The following NKAIN2 variants were observed in gnomAD, a reference collection of about 807,000 sequenced individuals.
The protein encoded by NKAIN2 is sodium/potassium transporting ATPase interacting 2.
A neutral mutation model predicts 32.6 loss-of-function variants in NKAIN2; 14 were observed. The observed-to-expected ratio is 0.43, with a 90% CI of 0.28 to 0.67. The LOEUF (loss-of-function observed/expected upper bound fraction) is 0.67, where lower values mean the gene tolerates loss of function less well. Ranked by LOEUF, NKAIN2 falls within the 30% of genes least tolerant of loss-of-function variation. NKAIN2 has a pLI of 0.17. For missense variants in NKAIN2, 198 were observed against 258.3 expected, an observed-to-expected ratio of 0.77 and a Z score of 1.60; for synonymous variants, 80 against 87.2, an observed-to-expected ratio of 0.92 and a Z score of 0.46.
At chr6:124,310,965 A>T (rs1246374272) in intron 2 of NKAIN2, among the ~76,000 whole-genome samples, 1 of 152,224 alleles carries the variant, frequency 6.6e-6, no homozygotes, top group Non-Finnish European at 1.5e-5. Flanking sequence ...TCATTAATAA[A>T]GAAACAAAAC....
chr6:124,608,105 A>C (rs1174857087), intron 3 of NKAIN2, among the ~76,000 whole-genome samples: 1 of 152,186 alleles, frequency 6.6e-6, no homozygotes, highest in African/African-American at 2.4e-5. Flanking sequence ...TGATAGATAC[A>C]TATATCTTGC....
chr6:124,021,662 T>C (rs965837682), intron 1 of NKAIN2, among the ~76,000 whole-genome samples: 1 of 151,902 alleles, frequency 6.6e-6, no homozygotes, highest in East Asian at 1.9e-4. Context: ...AATTTAAAAT[T>C]TTTGCCTTAT....
At chr6:124,008,190 A>G (rs892202757) in intron 1 of NKAIN2, among the ~76,000 whole-genome samples, 17 of 152,160 alleles carry the variant, frequency 1.1e-4, no homozygotes, top group African/African-American at 4.1e-4. Flanking sequence ...TTGGTCAGAT[A>G]CTTCCAGTGG....
chr6:124,789,851 T>C (rs750425657), intron 4 of NKAIN2, among the ~76,000 whole-genome samples: 2 of 152,090 alleles, frequency 1.3e-5, no homozygotes, highest in Non-Finnish European at 2.9e-5. Context: ...TAAAATATTT[T>C]TTAAAAAGAA....
At chr6:124,397,461 G>GAGGTAAATAAATAAAA (rs1231136476) in intron 3 of NKAIN2, among the ~76,000 whole-genome samples, 11 of 151,538 alleles carry the variant, frequency 7.3e-5, no homozygotes, top group African/African-American at 2.7e-4. Context: ...CCATTGGGCT[G>GAGGTAAATAAATAAAA]TTTTACCTCA....
chr6:123,874,695 T>C (rs1773083517), intron 1 of NKAIN2, among the ~76,000 whole-genome samples: 2 of 152,086 alleles, frequency 1.3e-5, no homozygotes, highest in East Asian at 1.9e-4. Context: ...TGAAAAAGGG[T>C]TCATAAAAAT....
intron 1 of NKAIN2, among the ~76,000 whole-genome samples, chr6:124,140,991 T>C (rs1442909528): frequency 6.6e-6 from 1 of 152,190 alleles, no homozygotes; most frequent in Non-Finnish European, 1.5e-5. Context: ...TATTAGAATC[T>C]TACAGAGAAT....
intron 3 of NKAIN2, among the ~76,000 whole-genome samples, chr6:124,424,898 G>A (rs969785626): frequency 5.9e-5 from 9 of 152,050 alleles, no homozygotes; most frequent in African/African-American, 2.4e-5. Flanking sequence ...CAAGATATTG[G>A]TTTCTTTTCC....
At chr6:123,897,394 G>C (rs550737736) in intron 1 of NKAIN2, among the ~76,000 whole-genome samples, 1 of 152,146 alleles carries the variant, frequency 6.6e-6, no homozygotes, top group East Asian at 1.9e-4. Flanking sequence ...TCACCTGCTG[G>C]TTTACCACAC....
At chr6:123,822,971 A>T (rs1773988733) in intron 1 of NKAIN2, among the ~76,000 whole-genome samples, 1 of 150,054 alleles carries the variant, frequency 6.7e-6, no homozygotes, top group Admixed American at 6.6e-5. Flanking sequence ...ATTTTATGTG[A>T]TAAGTAACGT....
intron 3 of NKAIN2, among the ~76,000 whole-genome samples, chr6:124,419,428 C>A (rs116337654): frequency 1.5e-3 from 231 of 152,210 alleles, no homozygotes; most frequent in African/African-American, 3.9e-3. Flanking sequence ...TAAAGGACTT[C>A]GTTCCTTGTA....
chr6:124,213,252 C>T (rs1791282696), intron 1 of NKAIN2, among the ~76,000 whole-genome samples: 1 of 152,104 alleles, frequency 6.6e-6, no homozygotes, highest in African/African-American at 2.4e-5. Context: ...CCTTTCTCTA[C>T]TTTGAATTTA....
chr6:124,261,933 G>A (rs552736189), intron 1 of NKAIN2, among the ~76,000 whole-genome samples: 3 of 151,394 alleles, frequency 2.0e-5, no homozygotes, highest in African/African-American at 7.3e-5. Context: ...TTTCTCTTCA[G>A]GCTGGGTTGA....
At chr6:124,594,225 T>G (rs1782005858) in intron 3 of NKAIN2, among the ~76,000 whole-genome samples, 1 of 152,214 alleles carries the variant, frequency 6.6e-6, no homozygotes. Context: ...GTCATGAATT[T>G]TAAGTCATTA....
At chr6:123,911,812 T>C (rs9490999) in intron 1 of NKAIN2, among the ~76,000 whole-genome samples, 2,085 of 85,002 alleles carry the variant, frequency 0.025, 194 homozygotes, top group African/African-American at 0.065. Context: ...TATATATATA[T>C]ACACACACAC....
chr6:124,292,807 C>T (rs1795879548), intron 2 of NKAIN2, among the ~76,000 whole-genome samples: 1 of 152,086 alleles, frequency 6.6e-6, no homozygotes, highest in African/African-American at 2.4e-5. Context: ...TTAATGTTGG[C>T]AGTGTGTTTT....
chr6:124,735,341 C>A (rs1776883548), intron 4 of NKAIN2, among the ~76,000 whole-genome samples: 1 of 151,792 alleles, frequency 6.6e-6, no homozygotes, highest in Non-Finnish European at 1.5e-5. Context: ...TAGAGATAAT[C>A]ATAATCACTC....
chr6:124,601,944 TTTTTC>T (rs1782323315), intron 3 of NKAIN2, among the ~76,000 whole-genome samples: 1 of 151,990 alleles, frequency 6.6e-6, no homozygotes, highest in Admixed American at 6.6e-5. Flanking sequence ...GCTGTCAGTC[TTTTTC>T]TTTTCTTTTT....
intron 1 of NKAIN2, among the ~76,000 whole-genome samples, chr6:123,953,495 T>G (rs987387307): frequency 2.6e-5 from 4 of 152,082 alleles, no homozygotes; most frequent in Admixed American, 6.6e-5. Flanking sequence ...AAGTGGTCCA[T>G]GGTGGTGTTG....
Sources: allele counts gnomAD v4.1 joint callset (sites outside exome capture counted in the v4.1 genomes callset), GRCh38; gene constraint gnomAD v4.1.1; transcripts MANE v1.5; gene names NCBI Gene and HGNC (gene_info 2026-07-23, HGNC 2026-07-21).